Variants in PLD3 observed in about 807,000 individuals in gnomAD.
PLD3 encodes 5'-3' exonuclease PLD3.
A neutral mutation model predicts 58.4 loss-of-function variants in PLD3; 31 were observed. That is an observed-to-expected ratio of 0.53 (90% CI 0.40 to 0.72). PLD3 has a LOEUF of 0.72. Ranked by LOEUF, PLD3 falls within the 30% of genes least tolerant of loss-of-function variation. The probability of loss-of-function intolerance (pLI) is 0.00; values close to 1 mark genes in which losing one functional copy is unlikely to be tolerated. For missense variants in PLD3, 595 were observed against 659.8 expected (o/e 0.90, Z 1.08); for synonymous variants, 264 against 273.4 (o/e 0.97, Z 0.34).
rs921197827 is a variant in PLD3, at chr19:40,374,468, C to T, written c.880-13C>T. On this transcript the variant is annotated splice_polypyrimidine_tract_variant and intron_variant, in intron 9 of 12. Transcript: ENST00000409735. The stretch of plus-strand genomic sequence containing the variant: ...TGGCAGGGCACATGTCTTAACTGTC[C>T]CCTCGCCCTCAGAGTGCGCCCCCAC... The T allele has an allele frequency of 1.1e-5, 17 of 1,613,616 alleles. No individual in the cohort carries two copies. The highest frequency in any genetic ancestry group is 1.4e-5 in the Non-Finnish European group (17 of 1,179,912).
At chr19:40,369,853 G>A in intron 6 of PLD3, 55 bp from the exon 7 acceptor site, 1 of 1,490,878 alleles carries the variant, frequency 6.7e-7, no homozygotes, top group Non-Finnish European at 9.0e-7. Context: ...GCATTACCTT[G>A]TGGGGTTGGA....
chr19:40,368,498 T>G (rs964877048), intron 6 of PLD3, among the ~76,000 whole-genome samples: 1 of 152,210 alleles, frequency 6.6e-6, no homozygotes, highest in African/African-American at 2.4e-5. Flanking sequence ...CCTCTTCCAT[T>G]GAAAAACCAT....
At position 40,366,429 on chromosome 19, in the gene PLD3, C is replaced by G; in HGVS notation, c.-55C>G. 6.4e-7 allele frequency: 1 copy of G among 1,574,524 alleles called. No homozygotes were observed. The highest frequency in any genetic ancestry group is 8.7e-7 in the Non-Finnish European group (1 of 1,144,028). On this transcript the variant is annotated 5_prime_UTR_variant, in exon 3 of 13. Transcript: ENST00000409735. Reference sequence around the variant, plus strand: ...CTTTTGTTCTGCCAGTTTGGAGACCCTGACACACCCACCTTCTCACCTGGG... The same window carrying G: ...CTTTTGTTCTGCCAGTTTGGAGACCGTGACACACCCACCTTCTCACCTGGG...
intron 1 of PLD3, chr19:40,357,211 T>C (rs1358853750): frequency 6.6e-6 from 1 of 152,192 alleles, no homozygotes; most frequent in African/African-American, 2.4e-5. Flanking sequence ...CATGAGAACA[T>C]TTCTGTTTTA....
chr19:40,376,583 C>A, intron 10 of PLD3, 26 bp from the exon 11 acceptor site: 1 of 1,600,050 alleles, frequency 6.2e-7, no homozygotes, highest in Non-Finnish European at 8.5e-7. Flanking sequence ...TGCATCCTGC[C>A]CCACCTCCTA....
chr19:40,364,846 C>T (rs2078878082), intron 1 of PLD3, among the ~76,000 whole-genome samples: 1 of 151,406 alleles, frequency 6.6e-6, no homozygotes, highest in Non-Finnish European at 1.5e-5. Flanking sequence ...TGCCTGTAGT[C>T]CCAGCTGCTT....
chr19:40,349,270 C>T (rs192957948), intron 1 of PLD3, among the ~76,000 whole-genome samples: 1 of 152,142 alleles, frequency 6.6e-6, no homozygotes, highest in African/African-American at 2.4e-5. Flanking sequence ...GCAACTCTTA[C>T]GTCATCATTA....
intron 9 of PLD3, 128 bp from the exon 10 acceptor site, chr19:40,374,353 T>G: frequency 1.0e-6 from 1 of 972,322 alleles, no homozygotes; most frequent in South Asian, 1.5e-5. Context: ...ATTGACCCTC[T>G]TCTTCATGGA....
intron 1 of PLD3, among the ~76,000 whole-genome samples, chr19:40,350,743 CAA>C (rs200435356): frequency 1.6e-4 from 16 of 99,618 alleles, no homozygotes; most frequent in Non-Finnish European, 1.3e-4. Context: ...GACCCCATCT[CAA>C]AAAAAAAAAA....
At chr19:40,373,622 A>G (rs2079120795) in intron 9 of PLD3, among the ~76,000 whole-genome samples, 1 of 150,852 alleles carries the variant, frequency 6.6e-6, no homozygotes, top group Non-Finnish European at 1.5e-5. Flanking sequence ...GGAACTGGGA[A>G]GAGGGCCTGG....
In PLD3 at chr19:40,354,732, G is replaced by C. The variant is rs953713779; in HGVS notation, c.-279+5964G>C. Among the ~76,000 whole-genome samples the C allele has an allele frequency of 3.3e-5, 5 of 151,454 alleles. No homozygotes were observed. The East Asian group carries it at 5.9e-4, about 18-fold the overall frequency. ...ACAGAGACAGGGTTTCGCCATGTAG[G>C]CCAGGCTGGTCTCGAGCTCCTGACC... is the stretch of plus-strand genomic sequence containing the variant. On this transcript the variant is annotated intron_variant, in intron 1 of 12. Coordinates refer to ENST00000409735, the MANE Select transcript of PLD3 (RefSeq NM_012268.4).
intron 8 of PLD3, 153 bp from the exon 9 acceptor site, chr19:40,371,520 A>C: frequency 1.7e-6 from 1 of 596,046 alleles, no homozygotes. Context: ...ATCAAAACTT[A>C]AGTTGATAAT....
intron 1 of PLD3, chr19:40,357,719 G>C (rs957182939): frequency 6.6e-6 from 1 of 152,092 alleles, no homozygotes; most frequent in Non-Finnish European, 1.5e-5. Flanking sequence ...ACAATGGTCT[G>C]GGCCCTAGAG....
intron 11 of PLD3, 48 bp from the exon 12 acceptor site, chr19:40,377,738 G>A (rs765516905): frequency 1.3e-5 from 19 of 1,413,458 alleles, no homozygotes; most frequent in African/African-American, 4.2e-5. Context: ...GGGCTCCTCC[G>A]ACTCCCCCTG....
chr19:40,359,725 C>T (rs769135201), intron 1 of PLD3: 1 of 151,994 alleles, frequency 6.6e-6, no homozygotes, highest in African/African-American at 2.4e-5. Context: ...GAAAAGCAAC[C>T]GTCTTGTCTC....
chr19:40,354,148 A>T (rs2078593964), intron 1 of PLD3, among the ~76,000 whole-genome samples: 1 of 138,604 alleles, frequency 7.2e-6, no homozygotes, highest in Non-Finnish European at 1.5e-5. Context: ...ATCTCGGCTC[A>T]CTGCAACTTC....
chr19:40,365,264 C>G (rs1482494278), intron 1 of PLD3, among the ~76,000 whole-genome samples: 1 of 152,138 alleles, frequency 6.6e-6, no homozygotes, highest in Non-Finnish European at 1.5e-5. Context: ...CAGCCGGGGC[C>G]TTAAATCCCT....
chr19:40,371,730 A>G lies in PLD3; in HGVS notation c.736A>G (p.Lys246Glu), dbSNP rs201252861. 1.2e-6 allele frequency: 2 copies of G among 1,613,840 alleles called. No individual in the cohort carries two copies. Among genetic ancestry groups the G allele is most frequent in the Non-Finnish European group, 1.7e-6 (2 of 1,179,976 alleles). The change falls in exon 9 of 13, where the codon AAG becomes GAG. Residue 246 changes from lysine to glutamate, a missense_variant. By Grantham distance (56) the Lys-to-Glu change is moderately conservative. Coordinates refer to ENST00000409735, the MANE Select transcript of PLD3 (RefSeq NM_012268.4). ...CAGCTGCCTGGCTCGAGACCTGACC[A>G]AGATCTTTGAGGCCTACTGGTTCCT... ...NCSCLARDLT[K>E]IFEAYWFLGQ...
chr19:40,361,785 A>G (rs1310337189), intron 1 of PLD3, among the ~76,000 whole-genome samples: 2 of 149,524 alleles, frequency 1.3e-5, no homozygotes, highest in East Asian at 2.0e-4. Flanking sequence ...CTGATCCTCT[A>G]TGGCACTTAC....
Sources: gnomAD v4.1 joint callset for allele counts (sites outside exome capture counted in the v4.1 genomes callset) on GRCh38, gnomAD v4.1.1 for gene constraint, MANE v1.5 for transcripts, NCBI Gene and HGNC (gene_info 2026-07-23, HGNC 2026-07-21) for gene names.